The following GALNT7 variants were observed in gnomAD, a reference collection of about 807,000 sequenced individuals.
GALNT7 encodes the protein N-acetylgalactosaminyltransferase 7.
A neutral mutation model predicts 82.1 loss-of-function variants in GALNT7; 60 were observed. The observed-to-expected ratio is 0.73, with a 90% CI of 0.59 to 0.91. The LOEUF (loss-of-function observed/expected upper bound fraction) is 0.91, where lower values mean the gene tolerates loss of function less well. Among genes scored for constraint, GALNT7 ranks in the 40% least tolerant of loss-of-function variants. The pLI, the probability that GALNT7 is intolerant of heterozygous loss-of-function variation, is 0.00. For synonymous variants in GALNT7, 243 were observed against 275.1 expected (o/e 0.88, Z 1.15); for missense variants, 660 against 804.2 (o/e 0.82, Z 2.17).
chr4:173,218,355 C>T (rs1188561677), intron 1 of GALNT7, among the ~76,000 whole-genome samples: 6 of 152,176 alleles, frequency 3.9e-5, no homozygotes, highest in South Asian at 2.1e-4. Context: ...ATTGAAAAAA[C>T]GTGAGACGAT....
At chr4:173,291,309 C>T (rs1389446185) in intron 2 of GALNT7, among the ~76,000 whole-genome samples, 1 of 152,226 alleles carries the variant, frequency 6.6e-6, no homozygotes, top group African/African-American at 2.4e-5. Flanking sequence ...GCTTCAGTTT[C>T]TCTCCAGAAA....
intron 1 of GALNT7, among the ~76,000 whole-genome samples, chr4:173,218,530 G>A (rs1561158560): frequency 6.6e-6 from 1 of 151,936 alleles, no homozygotes; most frequent in Non-Finnish European, 1.5e-5. Context: ...GTGGGGGTGG[G>A]TGTTTTATTG....
chr4:173,262,457 C>T (rs917222425), intron 2 of GALNT7, among the ~76,000 whole-genome samples: 7 of 152,134 alleles, frequency 4.6e-5, no homozygotes, highest in Non-Finnish European at 1.0e-4. Flanking sequence ...AAGAACAATA[C>T]ATTTGTTAAC....
At chr4:173,243,234 T>C (rs1734494007) in intron 1 of GALNT7, among the ~76,000 whole-genome samples, 1 of 152,170 alleles carries the variant, frequency 6.6e-6, no homozygotes, top group African/African-American at 2.4e-5. Flanking sequence ...TGGAAAAATA[T>C]TACATATAAG....
At chr4:173,241,919 A>G (rs1245984399) in intron 1 of GALNT7, among the ~76,000 whole-genome samples, 1 of 152,214 alleles carries the variant, frequency 6.6e-6, no homozygotes, top group African/African-American at 2.4e-5. Context: ...TGCAGTTACC[A>G]TAGTATATTA....
chr4:173,274,004 G>A (rs1426263918), intron 2 of GALNT7, among the ~76,000 whole-genome samples: 1 of 152,148 alleles, frequency 6.6e-6, no homozygotes, highest in African/African-American at 2.4e-5. Context: ...TGGTACTTCT[G>A]TAACACAGAA....
At chr4:173,313,928 G>GATATATATAT (rs138768800) in intron 8 of GALNT7, 30 bp from the exon 9 acceptor site, 1 of 886,088 alleles carries the variant, frequency 1.1e-6, no homozygotes, top group African/African-American at 1.8e-5. Flanking sequence ...TTTTTATAAC[G>GATATATATAT]ATATATATAT....
chr4:173,169,741 C>T (rs1053953379), intron 1 of GALNT7: 13 of 152,100 alleles, frequency 8.5e-5, no homozygotes, highest in African/African-American at 3.1e-4. Flanking sequence ...GCCCTCAGCG[C>T]CTGGGGAAGC....
At chr4:173,309,126 T>A (rs1737277523) in intron 8 of GALNT7, among the ~76,000 whole-genome samples, 1 of 152,226 alleles carries the variant, frequency 6.6e-6, no homozygotes, top group Non-Finnish European at 1.5e-5. Context: ...TTAAAAAATA[T>A]TTTTTGAATA....
chr4:173,309,175 T>G (rs1263014601), intron 8 of GALNT7, among the ~76,000 whole-genome samples: 1 of 151,916 alleles, frequency 6.6e-6, no homozygotes, highest in Non-Finnish European at 1.5e-5. Flanking sequence ...GGGACTGTTT[T>G]AGTAGGATGA....
At chr4:173,243,011 G>A (rs528638933) in intron 1 of GALNT7, among the ~76,000 whole-genome samples, 1 of 152,296 alleles carries the variant, frequency 6.6e-6, no homozygotes, top group African/African-American at 2.4e-5. Context: ...CAAGTAGTGT[G>A]CATGTTGTTC....
chr4:173,204,300 T>C (rs1266351002), intron 1 of GALNT7, among the ~76,000 whole-genome samples: 1 of 152,338 alleles, frequency 6.6e-6, no homozygotes, highest in East Asian at 1.9e-4. Context: ...TTATAGTATG[T>C]CTTGGTGTAG....
chr4:173,250,885 A>G (rs1734823434), intron 2 of GALNT7, among the ~76,000 whole-genome samples: 1 of 151,986 alleles, frequency 6.6e-6, no homozygotes, highest in Non-Finnish European at 1.5e-5. Flanking sequence ...CTTTCTTCCC[A>G]TGACGGGCTG....
At chr4:173,233,293 GT>G (rs1734099608) in intron 1 of GALNT7, among the ~76,000 whole-genome samples, 1 of 152,076 alleles carries the variant, frequency 6.6e-6, no homozygotes, top group Non-Finnish European at 1.5e-5. Context: ...CTATTTTTAG[GT>G]TTCTGAGAAA....
At chr4:173,245,663 C>A (rs1734600429) in intron 1 of GALNT7, among the ~76,000 whole-genome samples, 1 of 152,116 alleles carries the variant, frequency 6.6e-6, no homozygotes, top group South Asian at 2.1e-4. Context: ...ATAATGATAT[C>A]TCTATATTAA....
intron 1 of GALNT7, among the ~76,000 whole-genome samples, chr4:173,206,484 G>C (rs538584994): frequency 3.7e-4 from 56 of 152,262 alleles, no homozygotes; most frequent in African/African-American, 1.3e-3. Flanking sequence ...AATTGTCCCA[G>C]ATTTACAGAT....
chr4:173,268,818 C>A (rs1735610794), intron 2 of GALNT7, among the ~76,000 whole-genome samples: 1 of 151,798 alleles, frequency 6.6e-6, no homozygotes, highest in Admixed American at 6.6e-5. Flanking sequence ...GGATTACAGG[C>A]GTGAGCCACC....
intron 2 of GALNT7, among the ~76,000 whole-genome samples, chr4:173,291,705 A>G (rs1736537813): frequency 6.6e-6 from 1 of 152,032 alleles, no homozygotes. Flanking sequence ...TTTCAAACGC[A>G]GTAATATAAT....
chr4:173,226,609 TACTC>T (rs1733835988), intron 1 of GALNT7, among the ~76,000 whole-genome samples: 2 of 152,278 alleles, frequency 1.3e-5, no homozygotes, highest in South Asian at 4.1e-4. Context: ...TGGAGAAAAT[TACTC>T]ACTCTCAGCT....
Sources: allele counts gnomAD v4.1 joint callset (sites outside exome capture counted in the v4.1 genomes callset), GRCh38; gene constraint gnomAD v4.1.1; transcripts MANE v1.5; gene names NCBI Gene and HGNC (gene_info 2026-07-23, HGNC 2026-07-21).